Variants in KCNJ6 observed in about 807,000 individuals in gnomAD.
KCNJ6 encodes potassium inwardly rectifying channel subfamily J member 6.
KCNJ6 carries 9 observed loss-of-function variants against 34.2 expected under a neutral mutation model. That is an observed-to-expected ratio of 0.26 (90% confidence interval 0.16 to 0.46). The LOEUF is 0.46. KCNJ6 is among the 20% of genes least tolerant of loss of function. The pLI is 1.00. For missense variants in KCNJ6, 236 were observed against 531.3 expected (o/e 0.44, Z 5.46); for synonymous variants, 196 against 207.1 (o/e 0.95, Z 0.46).
At chr21:37,720,932 C>T (rs1007315793) in intron 2 of KCNJ6, among the ~76,000 whole-genome samples, 17 of 151,948 alleles carry the variant, frequency 1.1e-4, no homozygotes, top group African/African-American at 3.6e-4. Flanking sequence ...TGGTCTCGAT[C>T]TCCTGACCTC....
intron 2 of KCNJ6, among the ~76,000 whole-genome samples, chr21:37,807,010 C>T (rs1392433206): frequency 6.6e-6 from 1 of 152,148 alleles, no homozygotes; most frequent in South Asian, 2.1e-4. Context: ...TTTTCTTTCT[C>T]AGCATCATTT....
At chr21:37,708,720 A>G (rs930363760) in intron 3 of KCNJ6, among the ~76,000 whole-genome samples, 5 of 152,238 alleles carry the variant, frequency 3.3e-5, no homozygotes, top group African/African-American at 9.6e-5. Flanking sequence ...TATAACTCTT[A>G]AGATAAAAAA....
At chr21:37,911,868 A>T (rs561629094) in intron 1 of KCNJ6, among the ~76,000 whole-genome samples, 40 of 152,216 alleles carry the variant, frequency 2.6e-4, no homozygotes, top group Non-Finnish European at 4.4e-4. Flanking sequence ...TGGGGTTAAG[A>T]TTCCATAAGG....
intron 2 of KCNJ6, among the ~76,000 whole-genome samples, chr21:37,803,484 G>A (rs1253510529): frequency 1.3e-5 from 2 of 152,128 alleles, no homozygotes; most frequent in Non-Finnish European, 2.9e-5. Context: ...CATAATTAGA[G>A]CATTTATCAT....
intron 3 of KCNJ6, among the ~76,000 whole-genome samples, chr21:37,649,157 A>ACC (rs1556013845): frequency 7.5e-6 from 1 of 133,978 alleles, no homozygotes; most frequent in Admixed American, 7.8e-5. Context: ...AAAAAAAAGA[A>ACC]AGAAAAAGAA....
chr21:37,806,762 C>T (rs995218544), intron 2 of KCNJ6, among the ~76,000 whole-genome samples: 6 of 152,112 alleles, frequency 3.9e-5, no homozygotes, highest in Admixed American at 3.9e-4. Flanking sequence ...TTAATGTGTG[C>T]AGTGTATTTT....
At chr21:37,670,994 C>A (rs961721594) in intron 3 of KCNJ6, among the ~76,000 whole-genome samples, 1 of 152,138 alleles carries the variant, frequency 6.6e-6, no homozygotes, top group Non-Finnish European at 1.5e-5. Context: ...TTGTCCATTG[C>A]TAGTGTATTG....
At position 37,718,655 on chromosome 21, in the gene KCNJ6, G is replaced by A. The variant is rs1354607607; in HGVS notation, c.26-3524C>T. On this transcript the variant is annotated intron_variant, in intron 2 of 3. Transcript: ENST00000609713. ...TGCAGGGCGGGGAACATCACACACC[G>A]GTGCCTGTTAGGGGGTGGGGGATTG... Among the ~76,000 whole-genome samples the A allele has an allele frequency of 3.9e-5, 6 of 152,072 alleles. No homozygotes were observed. The Middle Eastern group carries it at 0.01, about 260-fold the overall frequency.
At chr21:37,868,298 TAC>T (rs1247661732) in intron 1 of KCNJ6, among the ~76,000 whole-genome samples, 2 of 152,228 alleles carry the variant, frequency 1.3e-5, no homozygotes, top group African/African-American at 4.8e-5. Flanking sequence ...GATCTGCGAT[TAC>T]AGAGATTTGT....
intron 2 of KCNJ6, among the ~76,000 whole-genome samples, chr21:37,762,958 G>A (rs1306067154): frequency 6.6e-6 from 1 of 152,174 alleles, no homozygotes; most frequent in Non-Finnish European, 1.5e-5. Flanking sequence ...TTCAGCCGGG[G>A]AAATCTTTCT....
chr21:37,843,534 A>C (rs1196388537), intron 1 of KCNJ6, among the ~76,000 whole-genome samples: 5 of 152,244 alleles, frequency 3.3e-5, no homozygotes, highest in Non-Finnish European at 5.9e-5. Context: ...ATGTATATCC[A>C]ATAAAGCATT....
chr21:37,654,865 A>G (rs1407186680), intron 3 of KCNJ6, among the ~76,000 whole-genome samples: 1 of 152,084 alleles, frequency 6.6e-6, no homozygotes, highest in Non-Finnish European at 1.5e-5. Context: ...CTGGGTGAGG[A>G]GTGCATGACC....
intron 2 of KCNJ6, among the ~76,000 whole-genome samples, chr21:37,799,675 T>C (rs979208352): frequency 6.6e-6 from 1 of 152,190 alleles, no homozygotes. Context: ...ACTCAAATAT[T>C]TGTTCTAAGT....
intron 2 of KCNJ6, among the ~76,000 whole-genome samples, chr21:37,788,654 CCTTT>C (rs550722863): frequency 9.8e-5 from 15 of 152,286 alleles, no homozygotes; most frequent in Admixed American, 7.2e-4. Flanking sequence ...CAGTTCTTTT[CCTTT>C]CTGAGAAATC....
chr21:37,727,651 C>T (rs181979475), intron 2 of KCNJ6, among the ~76,000 whole-genome samples: 2 of 152,180 alleles, frequency 1.3e-5, no homozygotes, highest in African/African-American at 2.4e-5. Flanking sequence ...GAATAGAAGT[C>T]AAGACAAAAT....
In KCNJ6 at chr21:37,620,499, G is replaced by C. The variant is rs189047439; in HGVS notation, c.*4660C>G. The C allele has an allele frequency of 6.6e-6, 1 of 151,000 alleles. No individual in the cohort carries two copies. The highest frequency in any genetic ancestry group is 6.6e-5 in the Admixed American group (1 of 15,168). The allele number at this position is 151,000 out of a possible 1,614,324, so 9.4% of individuals were successfully genotyped here. On this transcript the variant is annotated 3_prime_UTR_variant, in exon 4 of 4. Coordinates refer to ENST00000609713, the MANE Select transcript of KCNJ6 (RefSeq NM_002240.5). Reference sequence around the variant, plus strand: ...CCAATTATTAAAAAATGTAAAAATTGCTCTTAGCTCACAAGTGGTACAATA... The same window carrying C: ...CCAATTATTAAAAAATGTAAAAATTCCTCTTAGCTCACAAGTGGTACAATA...
At chr21:37,785,147 C>T (rs1028047428) in intron 2 of KCNJ6, among the ~76,000 whole-genome samples, 6 of 152,138 alleles carry the variant, frequency 3.9e-5, no homozygotes, top group Non-Finnish European at 5.9e-5. Context: ...TTCCAACAGT[C>T]TCCTGGGAGT....
intron 2 of KCNJ6, among the ~76,000 whole-genome samples, chr21:37,807,541 T>A (rs1008947382): frequency 2.0e-5 from 3 of 152,224 alleles, no homozygotes; most frequent in African/African-American, 7.2e-5. Context: ...ATTTTTATCG[T>A]CTTTTTTCTA....
At chr21:37,795,794 G>T (rs1288836879) in intron 2 of KCNJ6, among the ~76,000 whole-genome samples, 1 of 151,454 alleles carries the variant, frequency 6.6e-6, no homozygotes, top group African/African-American at 2.4e-5. Context: ...TTTTTCTGAG[G>T]GTTAAAAAAG....
Sources: gnomAD v4.1 joint callset for allele counts (sites outside exome capture counted in the v4.1 genomes callset) on GRCh38, gnomAD v4.1.1 for gene constraint, MANE v1.5 for transcripts, NCBI Gene and HGNC (gene_info 2026-07-23, HGNC 2026-07-21) for gene names.